Variants in CTIF observed in about 807,000 individuals in gnomAD.
The protein encoded by CTIF is cap binding complex dependent translation initiation factor, also known as CBP80/20-dependent translation initiation factor.
A neutral mutation model predicts 66.0 loss-of-function variants in CTIF; 21 were observed. The ratio of observed to expected loss-of-function variants is 0.32; its 90% CI spans 0.23 to 0.46. CTIF has a LOEUF of 0.46. Ranked by LOEUF, CTIF falls within the 20% of genes least tolerant of loss-of-function variation. The probability of loss-of-function intolerance (pLI) is 1.00; values close to 1 mark genes in which losing one functional copy is unlikely to be tolerated. For synonymous variants in CTIF, 345 were observed against 326.4 expected (o/e 1.06, Z -0.62); for missense variants, 739 against 812.7 (o/e 0.91, Z 1.10).
intron 3 of CTIF, among the ~76,000 whole-genome samples, chr18:48,657,726 GA>G (rs2091267372): frequency 6.6e-6 from 1 of 152,186 alleles, no homozygotes; most frequent in Admixed American, 6.5e-5. Context: ...TAGCAGGAAG[GA>G]AGACTCATGG....
At chr18:48,661,141 T>G (rs558709390) in intron 3 of CTIF, among the ~76,000 whole-genome samples, 3 of 152,310 alleles carry the variant, frequency 2.0e-5, no homozygotes, top group African/African-American at 7.2e-5. Context: ...AAAGAGGCAG[T>G]CCAGTGGAAA....
intron 2 of CTIF, among the ~76,000 whole-genome samples, chr18:48,630,909 A>C (rs12454391): frequency 0.65 from 98,833 of 151,566 alleles, 33,617 homozygotes; most frequent in East Asian, 0.94. Context: ...GATCTCCTGA[A>C]CTCGTGATCC....
intron 7 of CTIF, among the ~76,000 whole-genome samples, chr18:48,742,795 C>G (rs1338516017): frequency 1.3e-5 from 2 of 152,202 alleles, no homozygotes; most frequent in African/African-American, 4.8e-5. Flanking sequence ...CTGGCTCTCC[C>G]TGCTTCTGCC....
chr18:48,852,409 G>A (rs2069226290), intron 10 of CTIF, among the ~76,000 whole-genome samples: 1 of 152,094 alleles, frequency 6.6e-6, no homozygotes, highest in Non-Finnish European at 1.5e-5. Flanking sequence ...CTCGCAGTTG[G>A]ATGTTGGACC....
intron 6 of CTIF, among the ~76,000 whole-genome samples, chr18:48,675,819 C>T (rs1180256653): frequency 6.6e-6 from 1 of 152,212 alleles, no homozygotes; most frequent in Non-Finnish European, 1.5e-5. Flanking sequence ...TGTTGGCTTC[C>T]GCCCTTGGAA....
intron 1 of CTIF, among the ~76,000 whole-genome samples, chr18:48,559,482 C>T (rs527714138): frequency 6.6e-6 from 1 of 152,280 alleles, no homozygotes; most frequent in East Asian, 1.9e-4. Context: ...TTACTGTAGG[C>T]TGTGTGAAAA....
intron 2 of CTIF, chr18:48,621,684 C>T (rs74916778): frequency 0.04 from 11,253 of 283,264 alleles, 298 homozygotes; most frequent in Non-Finnish European, 0.057. Flanking sequence ...GGGGCCGTGA[C>T]GGGGAAGTTT....
At chr18:48,762,113 C>T (rs1048757176) in intron 9 of CTIF, among the ~76,000 whole-genome samples, 1 of 152,212 alleles carries the variant, frequency 6.6e-6, no homozygotes, top group Non-Finnish European at 1.5e-5. Flanking sequence ...AGTTGATCAT[C>T]ACTGGTAGTG....
chr18:48,818,985 A>C (rs2068427291), intron 10 of CTIF, among the ~76,000 whole-genome samples: 1 of 152,140 alleles, frequency 6.6e-6, no homozygotes, highest in Admixed American at 6.5e-5. Context: ...ACAATAATAG[A>C]GCAATTTAAG....
intron 1 of CTIF, among the ~76,000 whole-genome samples, chr18:48,547,456 G>A (rs963907050): frequency 2.6e-5 from 4 of 152,180 alleles, no homozygotes; most frequent in South Asian, 2.1e-4. Context: ...AGACATCTTA[G>A]AGGTCATCTG....
intron 6 of CTIF, among the ~76,000 whole-genome samples, chr18:48,710,768 GA>G (rs1199508399): frequency 3.9e-5 from 6 of 152,168 alleles, no homozygotes. Context: ...CTTTAAAGTT[GA>G]AAAAGGAGCC....
chr18:48,736,018 G>A (rs192315204), intron 7 of CTIF, among the ~76,000 whole-genome samples: 388 of 152,276 alleles, frequency 2.5e-3, no homozygotes, highest in Non-Finnish European at 4.5e-3. Context: ...TGGTTGCCAC[G>A]AAGCATTTTC....
At chr18:48,690,805 G>A (rs1393169633) in intron 6 of CTIF, among the ~76,000 whole-genome samples, 1 of 151,832 alleles carries the variant, frequency 6.6e-6, no homozygotes, top group Non-Finnish European at 1.5e-5. Flanking sequence ...CTCCTATCTA[G>A]GATGGAGATA....
Position 48,569,296 on chromosome 18 carries a change from C to T in CTIF, c.-29+29984C>T, listed in dbSNP as rs118075960. ...CAGTTTTGAGCAGAAAAACGCACTG[C>T]TGGAGGAAAAGGAGAGAACTGGAAA... On this transcript the variant is annotated intron_variant, in intron 1 of 11. Coordinates refer to ENST00000256413, the MANE Select transcript of CTIF (RefSeq NM_014772.3). 1.5e-3 allele frequency among the ~76,000 whole-genome samples: 224 copies of T among 152,054 alleles called. 4 individuals carry two copies. The East Asian group carries it at 0.037, about 25-fold the overall frequency.
At chr18:48,829,301 G>A (rs1026964559) in intron 10 of CTIF, among the ~76,000 whole-genome samples, 2 of 152,266 alleles carry the variant, frequency 1.3e-5, no homozygotes, top group African/African-American at 4.8e-5. Context: ...TTTCCCAGCA[G>A]GTGGATGGCA....
intron 3 of CTIF, among the ~76,000 whole-genome samples, chr18:48,652,186 A>C (rs953435704): frequency 4.5e-4 from 69 of 152,242 alleles, no homozygotes; most frequent in Non-Finnish European, 8.2e-4. Context: ...AAAATCAATG[A>C]ATCCAGGAGC....
At chr18:48,654,683 G>T in intron 3 of CTIF, among the ~76,000 whole-genome samples, 1 of 152,180 alleles carries the variant, frequency 6.6e-6, no homozygotes, top group African/African-American at 2.4e-5. Flanking sequence ...ACGTATGTTT[G>T]TTGCGGCACT....
intron 6 of CTIF, among the ~76,000 whole-genome samples, chr18:48,676,171 G>T (rs1316291448): frequency 6.6e-6 from 1 of 152,162 alleles, no homozygotes; most frequent in Non-Finnish European, 1.5e-5. Flanking sequence ...GTGAGCATTA[G>T]ATTTCCTCAG....
chr18:48,616,128 T>TCCGTGTAGAGTTCCTGCAAA (rs2090395248), intron 1 of CTIF, among the ~76,000 whole-genome samples: 2 of 152,188 alleles, frequency 1.3e-5, no homozygotes, highest in African/African-American at 2.4e-5. Flanking sequence ...TGGAAACGGC[T>TCCGTGTAGAGTTCCTGCAAA]CCGTGTAGAG....
Sources: allele counts gnomAD v4.1 joint callset (sites outside exome capture counted in the v4.1 genomes callset), GRCh38; gene constraint gnomAD v4.1.1; transcripts MANE v1.5; gene names NCBI Gene and HGNC (gene_info 2026-07-23, HGNC 2026-07-21).